The following HSDL2 variants were observed in gnomAD, a reference collection of about 807,000 sequenced individuals.
HSDL2 encodes the protein hydroxysteroid dehydrogenase like 2.
HSDL2 carries 27 observed loss-of-function variants against 46.3 expected under a neutral mutation model. That is an observed-to-expected ratio of 0.58 (90% CI 0.43 to 0.80). HSDL2 has a LOEUF of 0.80. Ranked by LOEUF, HSDL2 falls within the 30% of genes least tolerant of loss-of-function variation. The pLI is 0.00. For synonymous variants in HSDL2, 153 were observed against 163.6 expected, an observed-to-expected ratio of 0.94 and a Z score of 0.50; for missense variants, 451 against 502.7, an observed-to-expected ratio of 0.90 and a Z score of 0.98.
intron 10 of HSDL2, among the ~76,000 whole-genome samples, chr9:112,459,877 T>C (rs1833152857): frequency 6.6e-6 from 1 of 152,164 alleles, no homozygotes; most frequent in Non-Finnish European, 1.5e-5. Context: ...TGGCCTAAGG[T>C]ATTATGTTTC....
rs1340972897 is a variant in HSDL2, at chr9:112,405,650, C to T, written c.208C>T (p.Pro70Ser). The change falls in exon 3 of 11, where the codon CCA (proline) becomes TCA (serine). Residue 70 changes from proline to serine, a missense_variant. Physicochemically the swap from Pro to Ser is moderately conservative, Grantham distance 74. Transcript: ENST00000398805. Reference sequence around the variant, plus strand: ...TGAAGCAGTTGGAGGAAAGGCCTTGCCATGTATTGTTGATGTGAGAGATGA... The same window carrying T: ...TGAAGCAGTTGGAGGAAAGGCCTTGTCATGTATTGTTGATGTGAGAGATGA... ...EIEAVGGKALPCIVDVRDEQQ... is the reference protein window; with the variant it reads ...EIEAVGGKALSCIVDVRDEQQ... 6.2e-7 allele frequency: 1 copy of T among 1,612,382 alleles called. No individual in the cohort carries two copies. The highest frequency in any genetic ancestry group is 1.7e-5 in the Admixed American group (1 of 59,838).
intron 6 of HSDL2, among the ~76,000 whole-genome samples, chr9:112,419,200 G>C (rs1832065419): frequency 6.6e-6 from 1 of 152,020 alleles, no homozygotes; most frequent in African/African-American, 2.4e-5. Context: ...GTAGAGACAG[G>C]GTTTCACCAT....
At chr9:112,441,872 C>T in intron 8 of HSDL2, 102 bp downstream of exon 8, 1 of 728,008 alleles carries the variant, frequency 1.4e-6, no homozygotes, top group Non-Finnish European at 2.3e-6. Flanking sequence ...TTTCTGCCTT[C>T]TGTTTTTAAA....
At chr9:112,383,626 T>G (rs1831150970) in intron 1 of HSDL2, among the ~76,000 whole-genome samples, 1 of 152,220 alleles carries the variant, frequency 6.6e-6, no homozygotes, top group Non-Finnish European at 1.5e-5. Context: ...ATTAAATTCT[T>G]GCACATATAG....
At chr9:112,444,743 A>C (rs1182920033) in intron 8 of HSDL2, among the ~76,000 whole-genome samples, 1 of 152,062 alleles carries the variant, frequency 6.6e-6, no homozygotes, top group African/African-American at 2.4e-5. Flanking sequence ...TGTCTCAAAA[A>C]ACAAACAAAC....
chr9:112,469,073 A>T (rs1265339502), intron 10 of HSDL2, among the ~76,000 whole-genome samples: 1 of 152,156 alleles, frequency 6.6e-6, no homozygotes, highest in Non-Finnish European at 1.5e-5. Context: ...TATTATTTGT[A>T]AGTATTGGGA....
At chr9:112,401,575 CCA>C (rs1462184303) in intron 1 of HSDL2, among the ~76,000 whole-genome samples, 1 of 151,864 alleles carries the variant, frequency 6.6e-6, no homozygotes, top group Non-Finnish European at 1.5e-5. Context: ...AGCTCCAGGG[CCA>C]CACACAGACA....
At chr9:112,468,587 C>T (rs1833464752) in intron 10 of HSDL2, among the ~76,000 whole-genome samples, 1 of 151,790 alleles carries the variant, frequency 6.6e-6, no homozygotes, top group Non-Finnish European at 1.5e-5. Flanking sequence ...CCTTTTTCTC[C>T]TCTCTCCCTC....
intron 7 of HSDL2, among the ~76,000 whole-genome samples, chr9:112,439,819 T>C (rs1175090783): frequency 2.0e-5 from 3 of 152,256 alleles, no homozygotes; most frequent in African/African-American, 7.2e-5. Context: ...CAGCTTCATA[T>C]TGCAGCTCTG....
At chr9:112,409,046 G>A in intron 4 of HSDL2, 25 bp downstream of exon 4, 1 of 1,319,788 alleles carries the variant, frequency 7.6e-7, no homozygotes, top group Non-Finnish European at 1.1e-6. Flanking sequence ...AGAGTTGTTG[G>A]GGAGGAAGTT....
chr9:112,426,231 CTTCT>C (rs1448495141), intron 6 of HSDL2, among the ~76,000 whole-genome samples: 1 of 118,870 alleles, frequency 8.4e-6, no homozygotes, highest in Non-Finnish European at 1.7e-5. Flanking sequence ...TCTGGTAAGC[CTTCT>C]TTTTTTTTTT....
intron 4 of HSDL2, among the ~76,000 whole-genome samples, chr9:112,413,308 G>A (rs971499605): frequency 2.6e-5 from 4 of 151,404 alleles, no homozygotes; most frequent in African/African-American, 4.9e-5. Flanking sequence ...GAGAAACCCC[G>A]TCTCTACTAA....
chr9:112,446,481 A>G (rs1832763274), intron 8 of HSDL2, among the ~76,000 whole-genome samples: 1 of 152,244 alleles, frequency 6.6e-6, no homozygotes, highest in East Asian at 1.9e-4. Context: ...AATTTTTAAC[A>G]ATAGCCAGGC....
At chr9:112,417,970 C>T (rs1457548496) in intron 5 of HSDL2, among the ~76,000 whole-genome samples, 1 of 151,926 alleles carries the variant, frequency 6.6e-6, no homozygotes, top group African/African-American at 2.4e-5. Flanking sequence ...CCCAGCTACT[C>T]GGAGGATGAG....
At chr9:112,420,939 C>A (rs927341180) in intron 6 of HSDL2, among the ~76,000 whole-genome samples, 1 of 132,306 alleles carries the variant, frequency 7.6e-6, no homozygotes. Flanking sequence ...ATTAAATGAG[C>A]GCTGGTAATT....
At chr9:112,399,825 A>G (rs980393520) in intron 1 of HSDL2, among the ~76,000 whole-genome samples, 10 of 152,054 alleles carry the variant, frequency 6.6e-5, no homozygotes, top group Non-Finnish European at 1.5e-4. Flanking sequence ...AATCACTGTT[A>G]TTCTGTTCTT....
chr9:112,461,648 TA>T (rs1833213535), intron 10 of HSDL2, among the ~76,000 whole-genome samples: 1 of 152,240 alleles, frequency 6.6e-6, no homozygotes, highest in African/African-American at 2.4e-5. Flanking sequence ...TTCTTTCCAA[TA>T]AAATATGTTC....
chr9:112,460,429 A>G (rs745367137), intron 10 of HSDL2, among the ~76,000 whole-genome samples: 19 of 152,008 alleles, frequency 1.2e-4, no homozygotes, highest in Non-Finnish European at 1.9e-4. Flanking sequence ...CTTTTTTTAT[A>G]GTGGTGTTAA....
intron 8 of HSDL2, among the ~76,000 whole-genome samples, chr9:112,447,989 G>A (rs1338129140): frequency 6.6e-6 from 1 of 152,136 alleles, no homozygotes; most frequent in African/African-American, 2.4e-5. Context: ...AGACTTTGGA[G>A]TAAGACAGAT....
Sources: gnomAD v4.1 joint callset for allele counts (sites outside exome capture counted in the v4.1 genomes callset) on GRCh38, gnomAD v4.1.1 for gene constraint, MANE v1.5 for transcripts, NCBI Gene and HGNC (gene_info 2026-07-23, HGNC 2026-07-21) for gene names.